The following BCAS1 variants were observed in gnomAD, a reference collection of about 807,000 sequenced individuals.
The protein encoded by BCAS1 is breast carcinoma-amplified sequence 1.
BCAS1 carries 46 observed loss-of-function variants against 65.4 expected under a neutral mutation model. The ratio of observed to expected loss-of-function variants is 0.70; its 90% CI spans 0.55 to 0.90. The LOEUF (loss-of-function observed/expected upper bound fraction) is 0.90. Among genes scored for constraint, BCAS1 ranks in the 40% least tolerant of loss-of-function variants. The pLI is 0.00. For missense variants in BCAS1, 793 were observed against 771.2 expected, an observed-to-expected ratio of 1.03 and a Z score of -0.33; for synonymous variants, 298 against 293.5, an observed-to-expected ratio of 1.02 and a Z score of -0.16.
chr20:54,007,688 C>G (rs1207671446), intron 4 of BCAS1, among the ~76,000 whole-genome samples: 2 of 152,118 alleles, frequency 1.3e-5, no homozygotes, highest in African/African-American at 4.8e-5. Flanking sequence ...AGGTGAAATT[C>G]TCAGCTTGAA....
In BCAS1 at chr20:53,953,371, G is replaced by C. The variant is rs183231860; in HGVS notation, c.1815+61C>G. ...CATGTAGAATTTGAAAAACTGACTG[G>C]GGCAGATGGTGTTGGGGAAGGAGAG... On this transcript the variant is annotated intron_variant, in intron 12 of 12. Coordinates refer to ENST00000688948, the MANE Select transcript of BCAS1 (RefSeq NM_001366298.2). The C allele has an allele frequency of 1.9e-6, 3 of 1,592,436 alleles. No homozygotes were observed. The South Asian group carries it at 3.4e-5, about 18-fold the overall frequency.
At chr20:54,030,821 T>C (rs1408401431) in intron 3 of BCAS1, among the ~76,000 whole-genome samples, 1 of 151,370 alleles carries the variant, frequency 6.6e-6, no homozygotes, top group African/African-American at 2.4e-5. Flanking sequence ...AGCATATTGA[T>C]CTTCTAGCTC....
intron 3 of BCAS1, among the ~76,000 whole-genome samples, chr20:54,056,301 T>C (rs1159651594): frequency 6.6e-6 from 1 of 152,156 alleles, no homozygotes; most frequent in African/African-American, 2.4e-5. Flanking sequence ...TAATGTCTTT[T>C]GCAGCAACGT....
chr20:53,959,334 G>A (rs1039587069), intron 10 of BCAS1, among the ~76,000 whole-genome samples: 3 of 151,560 alleles, frequency 2.0e-5, no homozygotes, highest in African/African-American at 7.3e-5. Context: ...GCTCACTGCA[G>A]CTTCTGCCTC....
At chr20:54,004,110 G>A (rs1486260510) in intron 4 of BCAS1, among the ~76,000 whole-genome samples, 1 of 152,190 alleles carries the variant, frequency 6.6e-6, no homozygotes, top group Non-Finnish European at 1.5e-5. Flanking sequence ...AACTTCTGAT[G>A]TGATGGTATT....
At chr20:54,070,145 A>T (rs548992734) in intron 1 of BCAS1, among the ~76,000 whole-genome samples, 154 of 152,168 alleles carry the variant, frequency 1.0e-3, no homozygotes, top group African/African-American at 3.5e-3. Flanking sequence ...GCTTGAAATG[A>T]CCCTCAATAG....
intron 3 of BCAS1, among the ~76,000 whole-genome samples, chr20:54,042,336 C>A (rs923631880): frequency 6.6e-6 from 1 of 151,934 alleles, no homozygotes; most frequent in Non-Finnish European, 1.5e-5. Flanking sequence ...TACAACAAAC[C>A]CCCATGACAT....
At chr20:53,996,195 T>G in intron 4 of BCAS1, 145 bp from the exon 5 acceptor site, 3 of 753,894 alleles carry the variant, frequency 4.0e-6, no homozygotes, top group Non-Finnish European at 6.0e-6. Context: ...ATCATGAGAT[T>G]ATAAGAGTCA....
chr20:54,024,894 G>T (rs74996397), intron 4 of BCAS1, among the ~76,000 whole-genome samples: 276 of 152,036 alleles, frequency 1.8e-3, no homozygotes, highest in African/African-American at 6.6e-3. Context: ...GAGAAAAGAA[G>T]AGAAGTGAAA....
At position 53,978,623 on chromosome 20, in the gene BCAS1, G is replaced by A. The variant is rs1395059061; in HGVS notation, c.1276-3193C>T. The stretch of plus-strand genomic sequence containing the variant: ...TATGTAAAGGATTAAATGCTTCTCA[G>A]ATTGTGTCCAAGAGTCACTCTAAAT... On this transcript the variant is annotated intron_variant, in intron 8 of 12. Transcript: ENST00000688948. Among the ~76,000 whole-genome samples the A allele has an allele frequency of 3.3e-5, 5 of 152,344 alleles. No homozygotes were observed. The East Asian group carries it at 9.6e-4, about 29-fold the overall frequency.
At position 54,053,631 on chromosome 20, in the gene BCAS1, T is replaced by G. The variant is rs563866101; in HGVS notation, c.142+4454A>C. On this transcript the variant is annotated intron_variant, in intron 3 of 12. Transcript: ENST00000688948. ...ATCCAAGACAGAATAACTTTCCTTA[T>G]GTGTTTACCACATGCCAGACACTGT... Among the ~76,000 whole-genome samples, 23 of 152,376 alleles carry G rather than the reference T, an allele frequency of 1.5e-4. No individual in the cohort carries two copies. In the East Asian group the frequency reaches 4.4e-3, roughly 29 times the overall value.
At chr20:54,011,192 C>A (rs1239156152) in intron 4 of BCAS1, among the ~76,000 whole-genome samples, 1 of 151,692 alleles carries the variant, frequency 6.6e-6, no homozygotes, top group African/African-American at 2.4e-5. Context: ...AGACCAAAGA[C>A]CAAAAGCAAA....
intron 4 of BCAS1, among the ~76,000 whole-genome samples, chr20:54,023,591 A>C (rs1814063587): frequency 6.6e-6 from 1 of 152,222 alleles, no homozygotes; most frequent in Non-Finnish European, 1.5e-5. Context: ...AGAGAGAGAA[A>C]GGGACATAGG....
chr20:54,033,364 GTT>G (rs36074521), intron 3 of BCAS1, among the ~76,000 whole-genome samples: 52 of 145,256 alleles, frequency 3.6e-4, no homozygotes, highest in Admixed American at 6.9e-4. Context: ...TTCAGGAGCT[GTT>G]TTTTTTTTGA....
chr20:54,007,835 G>A (rs556109557), intron 4 of BCAS1, among the ~76,000 whole-genome samples: 72 of 152,238 alleles, frequency 4.7e-4, no homozygotes, highest in African/African-American at 1.4e-3. Flanking sequence ...GAAGAACCCT[G>A]GACATTATAG....
chr20:53,949,732 G>T (rs6013845), intron 12 of BCAS1, among the ~76,000 whole-genome samples: 79,202 of 151,940 alleles, frequency 0.52, 20,847 homozygotes, highest in South Asian at 0.66. Context: ...CTCTGTCTCT[G>T]ACAACCTGTG....
intron 4 of BCAS1, among the ~76,000 whole-genome samples, chr20:54,014,067 G>A (rs1336021130): frequency 6.6e-6 from 1 of 152,184 alleles, no homozygotes; most frequent in Non-Finnish European, 1.5e-5. Flanking sequence ...AGAGGGCCAA[G>A]CTAAGCACAG....
intron 3 of BCAS1, among the ~76,000 whole-genome samples, chr20:54,038,135 A>T (rs113162472): frequency 6.6e-6 from 1 of 151,150 alleles, no homozygotes. Context: ...ACATACCAAC[A>T]TGTTTCCACC....
At chr20:54,019,816 C>T (rs550718817) in intron 4 of BCAS1, among the ~76,000 whole-genome samples, 11 of 152,302 alleles carry the variant, frequency 7.2e-5, no homozygotes, top group African/African-American at 2.6e-4. Flanking sequence ...TGGACTTACA[C>T]CAGTGGTTTG....
Sources: allele counts gnomAD v4.1 joint callset (sites outside exome capture counted in the v4.1 genomes callset), GRCh38; gene constraint gnomAD v4.1.1; transcripts MANE v1.5; gene names NCBI Gene and HGNC (gene_info 2026-07-23, HGNC 2026-07-21).